TMEM192: variants seen among roughly 807,000 people sequenced by gnomAD.
The protein encoded by TMEM192 is transmembrane protein 192.
TMEM192 carries 20 observed loss-of-function variants against 26.7 expected under a neutral mutation model. That is an observed-to-expected ratio of 0.75 (90% CI 0.53 to 1.09). The LOEUF (loss-of-function observed/expected upper bound fraction) is 1.09, where lower values mean the gene tolerates loss of function less well. TMEM192 is among the 50% of genes least tolerant of loss of function. TMEM192 has a pLI of 0.00. For missense variants in TMEM192, 304 were observed against 322.6 expected (o/e 0.94, Z 0.44); for synonymous variants, 124 against 121.0 (o/e 1.02, Z -0.16).
chr4:165,111,388 C>T (rs1319452244), intron 1 of TMEM192, among the ~76,000 whole-genome samples: 4 of 152,234 alleles, frequency 2.6e-5, no homozygotes, highest in Non-Finnish European at 5.9e-5. Flanking sequence ...GCCTCCCAGA[C>T]CATCCCCAGG....
chr4:165,111,577 T>C (rs2110807514), intron 1 of TMEM192: 1 of 152,352 alleles, frequency 6.6e-6, no homozygotes, highest in African/African-American at 2.4e-5. Flanking sequence ...TGTCAGCTCA[T>C]GAAGCTCAGC....
At chr4:165,112,609 C>T in intron 1 of TMEM192, 138 bp downstream of exon 1, 2 of 1,295,200 alleles carry the variant, frequency 1.5e-6, no homozygotes, top group Non-Finnish European at 2.1e-6. Flanking sequence ...CAGGCCTCCC[C>T]GGGCACAGGC....
At chr4:165,081,235 C>CT (rs35079183) in intron 5 of TMEM192, among the ~76,000 whole-genome samples, 120,415 of 145,014 alleles carry the variant, frequency 0.83, 50,938 homozygotes, top group Non-Finnish European at 0.91. Context: ...ACCTCCCACT[C>CT]TTTTTTTTTT....
chr4:165,073,619 T>G lies in TMEM192; in HGVS notation c.*6039A>C, dbSNP rs574599602. 2.6e-5 allele frequency: 4 copies of G among 151,716 alleles called. No homozygotes were observed. Among genetic ancestry groups the G allele is most frequent in the African/African-American group, 9.7e-5 (4 of 41,320 alleles). The allele number at this position is 151,716 out of a possible 1,614,324, so 9.4% of individuals were successfully genotyped here. On this transcript the variant is annotated 3_prime_UTR_variant, in exon 6 of 6. Coordinates refer to ENST00000306480, the MANE Select transcript of TMEM192 (RefSeq NM_001100389.2). ...TTGCAGTTGAGATAAGAGGAAGGCTTCTGTCTCCTGCTCGTCCCTGGGAAT... is the reference window on the plus strand; with the variant it reads ...TTGCAGTTGAGATAAGAGGAAGGCTGCTGTCTCCTGCTCGTCCCTGGGAAT...
intron 1 of TMEM192, among the ~76,000 whole-genome samples, chr4:165,104,532 T>C (rs1735119299): frequency 1.3e-5 from 2 of 151,974 alleles, no homozygotes. Flanking sequence ...TGTTGTTTTG[T>C]TTGTTTGTTT....
chr4:165,080,792 G>A (rs1216101063), intron 5 of TMEM192, among the ~76,000 whole-genome samples: 1 of 152,092 alleles, frequency 6.6e-6, no homozygotes, highest in African/African-American at 2.4e-5. Flanking sequence ...TCTGCTCACT[G>A]CAACCTGCAC....
chr4:165,091,908 A>C (rs1217751409), intron 3 of TMEM192, among the ~76,000 whole-genome samples: 1 of 152,128 alleles, frequency 6.6e-6, no homozygotes, highest in African/African-American at 2.4e-5. Flanking sequence ...CAGGACCCAC[A>C]TGGTGGGAAT....
chr4:165,085,744 T>C, intron 4 of TMEM192, 56 bp from the exon 5 acceptor site: 1 of 1,312,986 alleles, frequency 7.6e-7, no homozygotes. Flanking sequence ...CTAGTTTCAT[T>C]TTTTCAAATT....
At position 165,112,828 on chromosome 4, in the gene TMEM192, G is replaced by A; in HGVS notation, c.-55C>T. The stretch of plus-strand genomic sequence containing the variant: ...CAGCCCGGCCTCTCCACCTGGACCT[G>A]TAAGCCTCTGGCCGCGAAACTCGCC... On this transcript the variant is annotated 5_prime_UTR_variant, in exon 1 of 6. Coordinates refer to ENST00000306480, the MANE Select transcript of TMEM192 (RefSeq NM_001100389.2). 1 of 1,586,776 alleles carries A rather than the reference G, an allele frequency of 6.3e-7. No homozygotes were observed. Among genetic ancestry groups the A allele is most frequent in the Admixed American group, 1.7e-5 (1 of 58,570 alleles).
rs74795263 is a variant in TMEM192 at position 165,074,113 on chromosome 4, A to ACCCCC, written c.*5540_*5544dup. 2,201 of 151,364 alleles carry ACCCCC rather than the reference A, an allele frequency of 0.015. 18 individuals are homozygous for ACCCCC. Among genetic ancestry groups the ACCCCC allele is most frequent in the Middle Eastern group, 0.024 (7 of 292 alleles). 9.4% of individuals were successfully genotyped at this position (151,364 alleles called of 1,614,324 possible). A position where few individuals can be genotyped will look rare whatever the true frequency, so the allele number is the denominator to read the frequency against. ...AATACCCACAGGTGTGGAGGGGCAG[A>ACCCCC]CCCCCCCTCAATCAACTGAGCCAAG... On this transcript the variant is annotated 3_prime_UTR_variant, in exon 6 of 6. Transcript: ENST00000306480.
chr4:165,100,781 T>C lies in TMEM192; in HGVS notation c.286A>G (p.Ile96Val). 6.2e-7 allele frequency: 1 copy of C among 1,614,150 alleles called. No homozygotes were observed. The highest frequency in any genetic ancestry group is 8.5e-7 in the Non-Finnish European group (1 of 1,180,030). Residue 96 changes from isoleucine to valine, a missense_variant, in exon 3 of 6, where the codon ATA (isoleucine) becomes GTA (valine). By Grantham distance (29) the Ile-to-Val change is conservative. Coordinates refer to ENST00000306480, the MANE Select transcript of TMEM192 (RefSeq NM_001100389.2). ...CACAAAATAACTTTCCCAAGGATTA[T>C]AACCGTCTGAACTTTCAATGGGTTT... ...YTNPLKVQTV[I>V]ILGKVILWIL...
At chr4:165,098,521 A>C (rs1734966920) in intron 3 of TMEM192, among the ~76,000 whole-genome samples, 1 of 151,958 alleles carries the variant, frequency 6.6e-6, no homozygotes, top group Non-Finnish European at 1.5e-5. Flanking sequence ...TATGTTGCCC[A>C]GGCTGGTCTC....
At chr4:165,080,889 A>AT (rs1734503850) in intron 5 of TMEM192, among the ~76,000 whole-genome samples, 1 of 151,878 alleles carries the variant, frequency 6.6e-6, no homozygotes, top group African/African-American at 2.4e-5. Context: ...TAATTTTTGT[A>AT]TTTTTAGTAG....
At chr4:165,105,906 C>G (rs562282089) in intron 1 of TMEM192, among the ~76,000 whole-genome samples, 2 of 152,196 alleles carry the variant, frequency 1.3e-5, no homozygotes, top group African/African-American at 4.8e-5. Flanking sequence ...GGTTCCCCCC[C>G]TCATAAATGA....
chr4:165,088,215 A>T (rs573500629), intron 4 of TMEM192, among the ~76,000 whole-genome samples: 1 of 152,220 alleles, frequency 6.6e-6, no homozygotes, highest in African/African-American at 2.4e-5. Flanking sequence ...CCAGCCCAAA[A>T]AGTTTGTGTC....
intron 1 of TMEM192, among the ~76,000 whole-genome samples, chr4:165,106,753 T>C (rs2110797194): frequency 6.6e-6 from 1 of 152,352 alleles, no homozygotes; most frequent in Admixed American, 6.5e-5. Context: ...CGCTGTTGGC[T>C]TCCCTGGTTT....
chr4:165,077,330 C>A lies in TMEM192; in HGVS notation c.*2328G>T, dbSNP rs1734405961. On this transcript the variant is annotated 3_prime_UTR_variant, in exon 6 of 6. Transcript: ENST00000306480. ...ATTTTAAAAATAAATAAGAGTTAAT[C>A]ATCTACCACTGGTGTTCCCTTTTGA... 1 of 152,184 alleles carries A rather than the reference C, an allele frequency of 6.6e-6. No individual in the cohort carries two copies. The highest frequency in any genetic ancestry group is 2.4e-5 in the African/African-American group (1 of 41,442). The allele number at this position is 152,184 out of a possible 1,614,324, so 9.4% of individuals were successfully genotyped here. A position where few individuals can be genotyped will look rare whatever the true frequency, so the allele number is the denominator to read the frequency against.
At chr4:165,103,511 AT>A (rs70952701) in intron 1 of TMEM192, among the ~76,000 whole-genome samples, 26,792 of 94,744 alleles carry the variant, frequency 0.28, 4,042 homozygotes, top group African/African-American at 0.44. Context: ...CACCCAGCTA[AT>A]TTTTTTTTTT....
intron 5 of TMEM192, among the ~76,000 whole-genome samples, chr4:165,085,302 T>C (rs1311138400): frequency 7.1e-6 from 1 of 140,154 alleles, no homozygotes; most frequent in Non-Finnish European, 1.6e-5. Context: ...AAGACACCTA[T>C]AAAAAAAGGT....
Sources: gnomAD v4.1 joint callset for allele counts (sites outside exome capture counted in the v4.1 genomes callset) on GRCh38, gnomAD v4.1.1 for gene constraint, MANE v1.5 for transcripts, NCBI Gene and HGNC (gene_info 2026-07-23, HGNC 2026-07-21) for gene names.